The following XPO6 variants were observed in gnomAD, a reference collection of about 807,000 sequenced individuals.
XPO6 encodes exportin-6.
XPO6 carries 3 observed loss-of-function variants against 130.0 expected under a neutral mutation model. The ratio of observed to expected loss-of-function variants is 0.02; its 90% CI spans 0.01 to 0.06. XPO6 has a LOEUF of 0.06. XPO6 is among the 10% of genes least tolerant of loss of function. The probability of loss-of-function intolerance (pLI) is 1.00; values close to 1 mark genes in which losing one functional copy is unlikely to be tolerated. For missense variants in XPO6, 970 were observed against 1,393.0 expected (o/e 0.70, Z 4.83); for synonymous variants, 524 against 548.9 (o/e 0.95, Z 0.63).
At chr16:28,185,405 A>G (rs949893150) in intron 1 of XPO6, among the ~76,000 whole-genome samples, 8 of 152,294 alleles carry the variant, frequency 5.3e-5, no homozygotes, top group East Asian at 3.9e-4. Flanking sequence ...AAACTTATCT[A>G]TGGTGTTATA....
intron 7 of XPO6, 45 bp downstream of exon 7, chr16:28,156,029 G>C (rs766722461): frequency 6.4e-7 from 1 of 1,556,600 alleles, no homozygotes; most frequent in East Asian, 2.2e-5. Flanking sequence ...TAAACAGTCA[G>C]GGCCCTTTCT....
chr16:28,190,221 TTA>T (rs200821504), intron 1 of XPO6, among the ~76,000 whole-genome samples: 1 of 148,446 alleles, frequency 6.7e-6, no homozygotes, highest in African/African-American at 2.6e-5. Flanking sequence ...GTTTCTTTCT[TTA>T]TTTTTTTTTT....
In XPO6 at chr16:28,099,037, C is replaced by A. The variant is rs570901764; in HGVS notation, c.3277-398G>T. 3.3e-5 allele frequency among the ~76,000 whole-genome samples: 5 copies of A among 152,206 alleles called. No individual in the cohort carries two copies. In the South Asian group the frequency reaches 1.0e-3, roughly 32 times the overall value. ...CCAGCACACTTGCTCCTGAGTCCGG[C>A]CCCTCAAACGCAGACATGGCTGTGG... On this transcript the variant is annotated intron_variant, in intron 23 of 23. Transcript: ENST00000304658.
intron 1 of XPO6, among the ~76,000 whole-genome samples, chr16:28,196,235 G>C (rs777456311): frequency 6.6e-6 from 1 of 152,198 alleles, no homozygotes; most frequent in Non-Finnish European, 1.5e-5. Flanking sequence ...TGCTGCCACA[G>C]ATGGATTTCT....
rs569575132 is a variant in XPO6 at position 28,126,943 on chromosome 16, C to T, written c.1607-1095G>A. Among the ~76,000 whole-genome samples the T allele has an allele frequency of 7.9e-5, 12 of 152,216 alleles. No homozygotes were observed. The South Asian group carries it at 2.3e-3, about 29-fold the overall frequency. ...CAGTTCTCTCCTGTCTCTTAGGAGGCGAGACTCACACTGGTCATCACCAAC... is the reference window on the plus strand; with the variant it reads ...CAGTTCTCTCCTGTCTCTTAGGAGGTGAGACTCACACTGGTCATCACCAAC... On this transcript the variant is annotated intron_variant, in intron 12 of 23. Transcript: ENST00000304658.
chr16:28,199,742 A>G (rs1188654781), intron 1 of XPO6, among the ~76,000 whole-genome samples: 1 of 150,782 alleles, frequency 6.6e-6, no homozygotes, highest in Non-Finnish European at 1.5e-5. Flanking sequence ...AATGGGTTTC[A>G]CTTATGTTGG....
intron 12 of XPO6, among the ~76,000 whole-genome samples, chr16:28,128,960 G>A (rs1029777441): frequency 2.0e-5 from 3 of 152,114 alleles, no homozygotes; most frequent in African/African-American, 4.8e-5. Flanking sequence ...GTCCTATTTT[G>A]TCTAGCAAAG....
intron 1 of XPO6, among the ~76,000 whole-genome samples, chr16:28,205,039 G>A (rs558000008): frequency 6.6e-6 from 1 of 152,250 alleles, no homozygotes; most frequent in South Asian, 2.1e-4. Context: ...TCCAGCCTGG[G>A]CGACAGAGCG....
At chr16:28,187,023 T>C (rs1462208636) in intron 1 of XPO6, among the ~76,000 whole-genome samples, 2 of 152,168 alleles carry the variant, frequency 1.3e-5, no homozygotes, top group Non-Finnish European at 2.9e-5. Flanking sequence ...CATCCTGTAG[T>C]CCTGGCGTAC....
At chr16:28,176,586 C>T (rs1456308996) in intron 3 of XPO6, among the ~76,000 whole-genome samples, 3 of 151,928 alleles carry the variant, frequency 2.0e-5, no homozygotes, top group Admixed American at 6.6e-5. Context: ...CAAGCTCCGC[C>T]TCCCGGGTTC....
intron 9 of XPO6, among the ~76,000 whole-genome samples, chr16:28,143,366 G>C (rs1011523821): frequency 1.2e-4 from 18 of 152,202 alleles, no homozygotes; most frequent in Non-Finnish European, 2.5e-4. Flanking sequence ...AATACATCTA[G>C]ATGCTGTGCC....
intron 1 of XPO6, among the ~76,000 whole-genome samples, chr16:28,201,148 T>C (rs1185887193): frequency 6.6e-6 from 1 of 152,132 alleles, no homozygotes; most frequent in Non-Finnish European, 1.5e-5. Context: ...TTCTGACAAC[T>C]TCCCTTGCTC....
rs181567380 is a variant in XPO6 at position 28,106,520 on chromosome 16, C to T, written c.2498-23G>A. On this transcript the variant is annotated intron_variant, in intron 18 of 23. Coordinates refer to ENST00000304658, the MANE Select transcript of XPO6 (RefSeq NM_015171.4). This position sits in a 1 kb window ranked among gnomAD's most constrained non-coding sequence, Gnocchi z 4.2. Reference sequence around the variant, plus strand: ...CATCTGAGGAAAGGGGCAGAGATATCGTCAGAGGCTTGCACACAGTGAGAA... The same window carrying T: ...CATCTGAGGAAAGGGGCAGAGATATTGTCAGAGGCTTGCACACAGTGAGAA... 6.7e-4 allele frequency: 1,074 copies of T among 1,594,874 alleles called. 2 individuals carry two copies. Among genetic ancestry groups the T allele is most frequent in the Non-Finnish European group, 8.4e-4 (980 of 1,163,214 alleles).
rs774608081 is a variant in XPO6, at chr16:28,169,827, T to A, written c.488A>T (p.Asp163Val). 6.2e-7 allele frequency: 1 copy of A among 1,614,030 alleles called. No individual in the cohort carries two copies. Among genetic ancestry groups the A allele is most frequent in the Non-Finnish European group, 8.5e-7 (1 of 1,179,962 alleles). ...CTCCTCCTTCCGAGCCACACTGAGG[T>A]CCTCACGGGGACAAGCCAGCTCTTC... Reference protein sequence around the residue: ...TSEELACPREDLSVARKEELR... With the variant: ...TSEELACPREVLSVARKEELR... The change falls in exon 5 of 24, where the codon GAC becomes GTC. Residue 163 changes from aspartate (D) to valine (V), a missense_variant. By Grantham distance (152) the Asp-to-Val change is radical. Transcript: ENST00000304658.
intron 8 of XPO6, among the ~76,000 whole-genome samples, chr16:28,150,887 T>TAC (rs3032736): frequency 1.1e-4 from 17 of 152,198 alleles, no homozygotes; most frequent in Middle Eastern, 3.4e-3. Context: ...CCTCCTGCAG[T>TAC]CACTTCAAGT....
At chr16:28,134,050 T>C in intron 10 of XPO6, 117 bp from the exon 11 acceptor site, 1 of 943,896 alleles carries the variant, frequency 1.1e-6, no homozygotes, top group Non-Finnish European at 1.6e-6. Flanking sequence ...GGAACCAGGT[T>C]ATCTGGTACT....
At chr16:28,156,761 G>T (rs1050713243) in intron 6 of XPO6, among the ~76,000 whole-genome samples, 1 of 152,128 alleles carries the variant, frequency 6.6e-6, no homozygotes, top group Non-Finnish European at 1.5e-5. Context: ...GGGGGATCTG[G>T]ATACAATCTT....
intron 12 of XPO6, 77 bp from the exon 13 acceptor site, chr16:28,125,925 A>C: frequency 6.5e-7 from 1 of 1,527,896 alleles, no homozygotes. Flanking sequence ...TGGTCCAGCA[A>C]GCCACACACA....
intron 1 of XPO6, among the ~76,000 whole-genome samples, chr16:28,187,912 G>A (rs2043720778): frequency 6.6e-6 from 1 of 151,870 alleles, no homozygotes; most frequent in African/African-American, 2.4e-5. Context: ...TTCAATCTGT[G>A]TTGAAAAACA....
Sources: gnomAD v4.1 joint callset for allele counts (sites outside exome capture counted in the v4.1 genomes callset) on GRCh38, gnomAD v4.1.1 for gene constraint, Gnocchi (gnomAD v3.1) non-coding constraint, MANE v1.5 for transcripts, NCBI Gene and HGNC (gene_info 2026-07-23, HGNC 2026-07-21) for gene names.